The following UBE2O variants were observed in gnomAD, a reference collection of about 807,000 sequenced individuals.
The protein encoded by UBE2O is ubiquitin conjugating enzyme E2 O, also known as (E3-independent) E2 ubiquitin-conjugating enzyme.
UBE2O carries 15 observed loss-of-function variants against 125.8 expected under a neutral mutation model. The observed-to-expected ratio is 0.12, with a 90% CI of 0.08 to 0.18. The LOEUF (loss-of-function observed/expected upper bound fraction) is 0.18, where lower values mean the gene tolerates loss of function less well. Among genes scored for constraint, UBE2O ranks in the 10% least tolerant of loss-of-function variants. UBE2O has a pLI of 1.00. For missense variants in UBE2O, 1,280 were observed against 1,723.6 expected (o/e 0.74, Z 4.56); for synonymous variants, 708 against 703.2 (o/e 1.01, Z -0.11).
intron 1 of UBE2O, among the ~76,000 whole-genome samples, chr17:76,419,028 A>AT (rs1273049086): frequency 1.4e-4 from 22 of 152,244 alleles, no homozygotes; most frequent in Admixed American, 4.6e-4. Flanking sequence ...TCGCGCTGTA[A>AT]TACCAGTACT....
intron 1 of UBE2O, among the ~76,000 whole-genome samples, chr17:76,429,989 C>T (rs1406490332): frequency 1.3e-5 from 2 of 152,202 alleles, no homozygotes; most frequent in Non-Finnish European, 2.9e-5. Context: ...TTCATCCCTC[C>T]CTATACAGAC....
intron 1 of UBE2O, among the ~76,000 whole-genome samples, chr17:76,412,988 A>G (rs1176424823): frequency 2.0e-5 from 3 of 152,174 alleles, no homozygotes; most frequent in Non-Finnish European, 2.9e-5. Flanking sequence ...AGCCTAGGTG[A>G]CTGGAAGACA....
intron 1 of UBE2O, among the ~76,000 whole-genome samples, chr17:76,415,183 C>G (rs2072580927): frequency 6.6e-6 from 1 of 152,154 alleles, no homozygotes; most frequent in Admixed American, 6.5e-5. Flanking sequence ...AGCCTCAACA[C>G]CCCTCAGTGT....
chr17:76,425,829 T>G (rs2072801815), intron 1 of UBE2O, among the ~76,000 whole-genome samples: 1 of 152,196 alleles, frequency 6.6e-6, no homozygotes, highest in Non-Finnish European at 1.5e-5. Context: ...CTTTTTCTTG[T>G]CGATCTCTCT....
chr17:76,449,789 G>A (rs1009356935), intron 1 of UBE2O, among the ~76,000 whole-genome samples: 4 of 151,840 alleles, frequency 2.6e-5, no homozygotes, highest in Non-Finnish European at 4.4e-5. Flanking sequence ...GCGTGATGGC[G>A]TATGCCTGTA....
chr17:76,392,283 A>G (rs1392769255), intron 15 of UBE2O, among the ~76,000 whole-genome samples, 170 bp from the exon 16 acceptor site: 1 of 151,950 alleles, frequency 6.6e-6, no homozygotes, highest in Non-Finnish European at 1.5e-5. Context: ...GCTAAGGACA[A>G]ATCTCTCTCT....
At position 76,452,725 on chromosome 17, in the gene UBE2O, C is replaced by T; in HGVS notation, c.417G>A (p.Lys139=). 6.9e-7 allele frequency: 1 copy of T among 1,447,030 alleles called. No individual in the cohort carries two copies. The highest frequency in any genetic ancestry group is 9.0e-7 in the Non-Finnish European group (1 of 1,109,314). 89.6% of individuals were successfully genotyped at this position (1,447,030 alleles called of 1,614,324 possible). ...EGVKQHVKET[K]LKLEDRSVVP... ...GCCGCCCAGCCCCCGCCCGCCGCAC[C>T]TTGGTCTCCTTCACATGCTGCTTGA... is the stretch of plus-strand genomic sequence containing the variant. The change falls in exon 1 of 18, where the codon AAG becomes AAA. Residue 139 remains lysine (K), a splice_region_variant and synonymous_variant. Coordinates refer to ENST00000319380, the MANE Select transcript of UBE2O (RefSeq NM_022066.4). This position sits in a 1 kb window ranked among gnomAD's most constrained non-coding sequence, Gnocchi z 4.4.
chr17:76,427,873 TTC>T (rs1455595546), intron 1 of UBE2O, among the ~76,000 whole-genome samples: 1 of 152,206 alleles, frequency 6.6e-6, no homozygotes, highest in Non-Finnish European at 1.5e-5. Flanking sequence ...TTGAGGGGAT[TTC>T]TGTTTCAACT....
intron 1 of UBE2O, among the ~76,000 whole-genome samples, chr17:76,435,984 C>A (rs561173963): frequency 6.6e-6 from 1 of 152,246 alleles, no homozygotes; most frequent in African/African-American, 2.4e-5. Flanking sequence ...CGGTGGCTCA[C>A]GCCTGTAATC....
chr17:76,415,904 A>G (rs1231591641), intron 1 of UBE2O, among the ~76,000 whole-genome samples: 1 of 149,680 alleles, frequency 6.7e-6, no homozygotes, highest in Non-Finnish European at 1.5e-5. Context: ...CGTATATACA[A>G]ATATATACAC....
At chr17:76,409,370 G>T (rs915762477) in intron 1 of UBE2O, among the ~76,000 whole-genome samples, 2 of 151,882 alleles carry the variant, frequency 1.3e-5, no homozygotes, top group Non-Finnish European at 2.9e-5. Context: ...GCCAGAAGGG[G>T]TGGTGGCTGG....
At position 76,402,766 on chromosome 17, in the gene UBE2O, C is replaced by T; in HGVS notation, c.589-67G>A. 1.5e-6 allele frequency: 2 copies of T among 1,304,748 alleles called. No homozygotes were observed. The highest frequency in any genetic ancestry group is 2.2e-6 in the Non-Finnish European group (2 of 899,082). The allele number at this position is 1,304,748 out of a possible 1,614,324, so 80.8% of individuals were successfully genotyped here. ...ACGTTCATGTCCAGGGCACAGATTC[C>T]TCTATGCCCCACCGAAGACAGGATG... On this transcript the variant is annotated intron_variant, in intron 3 of 17. Transcript: ENST00000319380. This position sits in a 1 kb window ranked among gnomAD's most constrained non-coding sequence, Gnocchi z 5.4.
chr17:76,435,975 G>T (rs1333780159), intron 1 of UBE2O, among the ~76,000 whole-genome samples: 4 of 152,214 alleles, frequency 2.6e-5, no homozygotes, highest in Admixed American at 2.6e-4. Flanking sequence ...GGCCCCGTGC[G>T]GTGGCTCACG....
Position 76,395,880 on chromosome 17 carries a change from T to G in UBE2O, c.2810-19A>C, listed in dbSNP as rs749442267. 2.5e-6 allele frequency: 4 copies of G among 1,613,902 alleles called. No homozygotes were observed. The highest frequency in any genetic ancestry group is 3.4e-6 in the Non-Finnish European group (4 of 1,180,014). On this transcript the variant is annotated intron_variant, in intron 14 of 17. Transcript: ENST00000319380. The surrounding 1 kb of genome is among the most constrained non-coding windows in gnomAD (Gnocchi z 5.0). ...TGATTTGCTAGAGGGGGGAAGAGAATAGTCAGTCCCTCATGGAGAGGCCCT... is the reference window on the plus strand; with the variant it reads ...TGATTTGCTAGAGGGGGGAAGAGAAGAGTCAGTCCCTCATGGAGAGGCCCT...
At chr17:76,449,986 G>C (rs952041117) in intron 1 of UBE2O, among the ~76,000 whole-genome samples, 4 of 151,890 alleles carry the variant, frequency 2.6e-5, no homozygotes, top group East Asian at 1.9e-4. Context: ...AGCTACCTGG[G>C]AGGCTGAGGC....
rs2072095715 is a variant in UBE2O, at chr17:76,390,832, G to A, written c.*111C>T. 9.1e-7 allele frequency: 1 copy of A among 1,097,080 alleles called. No individual in the cohort carries two copies. Among genetic ancestry groups the A allele is most frequent in the Non-Finnish European group, 1.3e-6 (1 of 769,626 alleles). 68.0% of individuals were successfully genotyped at this position (1,097,080 alleles called of 1,614,324 possible). ...CTCACCTTGGGGAGAAGAGGGCAGT[G>A]GGTTTGCAGTGGGGACAGAGGGGCA... On this transcript the variant is annotated 3_prime_UTR_variant, in exon 18 of 18. Coordinates refer to ENST00000319380, the MANE Select transcript of UBE2O (RefSeq NM_022066.4).
At chr17:76,435,642 C>T (rs958997270) in intron 1 of UBE2O, among the ~76,000 whole-genome samples, 2 of 152,138 alleles carry the variant, frequency 1.3e-5, no homozygotes, top group Non-Finnish European at 2.9e-5. Context: ...TCGTGCAATC[C>T]CCAGTAACTA....
chr17:76,425,225 CAAAAA>C (rs58377572), intron 1 of UBE2O, among the ~76,000 whole-genome samples: 22 of 95,100 alleles, frequency 2.3e-4, no homozygotes, highest in African/African-American at 6.2e-4. Context: ...GTCCTTTCGA[CAAAAA>C]AAAAAAAAAA....
rs1350522548 is a variant in UBE2O, at chr17:76,404,331, G to T, written c.588+875C>A. The stretch of plus-strand genomic sequence containing the variant: ...ACAACCCCAGCACTTTGGCTATGGG[G>T]TACCATGAACCAGGGCAGAGCTCTG... On this transcript the variant is annotated intron_variant, in intron 3 of 17. Transcript: ENST00000319380. The surrounding 1 kb of genome is among the most constrained non-coding windows in gnomAD (Gnocchi z 4.3). 6.6e-6 allele frequency among the ~76,000 whole-genome samples: 1 copy of T among 152,222 alleles called. No individual in the cohort carries two copies. Among genetic ancestry groups the T allele is most frequent in the Non-Finnish European group, 1.5e-5 (1 of 68,042 alleles).
Sources: allele counts gnomAD v4.1 joint callset (sites outside exome capture counted in the v4.1 genomes callset), GRCh38; gene constraint gnomAD v4.1.1; non-coding constraint Gnocchi (gnomAD v3.1); transcripts MANE v1.5; gene names NCBI Gene and HGNC (gene_info 2026-07-23, HGNC 2026-07-21).